Variants in RUNDC3B observed in about 807,000 individuals in gnomAD.
RUNDC3B encodes the protein RUN domain-containing protein 3B.
A neutral mutation model predicts 58.4 loss-of-function variants in RUNDC3B; 33 were observed. That is an observed-to-expected ratio of 0.56 (90% confidence interval 0.43 to 0.75). The LOEUF is 0.75. Among genes scored for constraint, RUNDC3B ranks in the 30% least tolerant of loss-of-function variants. RUNDC3B has a pLI of 0.00. For missense variants in RUNDC3B, 501 were observed against 535.7 expected (o/e 0.94, Z 0.64); for synonymous variants, 193 against 195.2 (o/e 0.99, Z 0.10).
intron 6 of RUNDC3B, among the ~76,000 whole-genome samples, chr7:87,748,683 G>C (rs982419901): frequency 1.3e-5 from 2 of 152,088 alleles, no homozygotes; most frequent in Admixed American, 6.5e-5. Flanking sequence ...GGGATACTTA[G>C]ATGTCAAGAG....
chr7:87,713,504 T>C (rs1289045858), intron 4 of RUNDC3B, among the ~76,000 whole-genome samples: 1 of 152,048 alleles, frequency 6.6e-6, no homozygotes, highest in Non-Finnish European at 1.5e-5. Flanking sequence ...TTTGCTAAGG[T>C]GTAGGACGTC....
chr7:87,678,303 C>A (rs1323298376), intron 2 of RUNDC3B, among the ~76,000 whole-genome samples: 1 of 152,098 alleles, frequency 6.6e-6, no homozygotes. Context: ...GGGAAGGTTT[C>A]CAGGTTTGCA....
chr7:87,813,268 G>T (rs1031742285), intron 9 of RUNDC3B, among the ~76,000 whole-genome samples: 4 of 152,168 alleles, frequency 2.6e-5, no homozygotes, highest in Non-Finnish European at 5.9e-5. Flanking sequence ...TTCAGAAAGT[G>T]ATATTCTAAA....
chr7:87,668,848 G>A lies in RUNDC3B; in HGVS notation c.238+17911G>A, dbSNP rs115359551. ...GCTCTGTGATCCAAGAGTGTGTTTG[G>A]TATGATTTCAGTTCTTTTACATTTG... On this transcript the variant is annotated intron_variant, in intron 2 of 10. Transcript: ENST00000394654. 4.8e-3 allele frequency among the ~76,000 whole-genome samples: 725 copies of A among 152,122 alleles called. 4 individuals are homozygous for A. Among genetic ancestry groups the A allele is most frequent in the African/African-American group, 0.017 (686 of 41,518 alleles).
chr7:87,751,286 T>A (rs1346879786), intron 6 of RUNDC3B, among the ~76,000 whole-genome samples: 1 of 152,132 alleles, frequency 6.6e-6, no homozygotes, highest in Non-Finnish European at 1.5e-5. Flanking sequence ...ACTGTAGCCT[T>A]GTAGTATAGT....
At chr7:87,786,152 T>C (rs1286591639) in intron 8 of RUNDC3B, among the ~76,000 whole-genome samples, 1 of 152,196 alleles carries the variant, frequency 6.6e-6, no homozygotes, top group Admixed American at 6.5e-5. Flanking sequence ...CCTGGCTATA[T>C]CTAATTGGCC....
intron 6 of RUNDC3B, among the ~76,000 whole-genome samples, chr7:87,748,463 C>T (rs1270401763): frequency 1.3e-5 from 2 of 152,216 alleles, no homozygotes; most frequent in African/African-American, 4.8e-5. Flanking sequence ...CCGCAGGCTG[C>T]TCTGTCTAGA....
chr7:87,629,716 G>T (rs1056528713), intron 1 of RUNDC3B, among the ~76,000 whole-genome samples: 1 of 151,660 alleles, frequency 6.6e-6, no homozygotes, highest in Non-Finnish European at 1.5e-5. Flanking sequence ...TCACGAGGTC[G>T]GAGTTCGAGA....
intron 9 of RUNDC3B, 91 bp downstream of exon 9, chr7:87,807,610 G>C (rs1385156920): frequency 1.1e-6 from 1 of 909,332 alleles, no homozygotes; most frequent in African/African-American, 1.7e-5. Context: ...TATTCTTTCT[G>C]AACTTATTAT....
intron 2 of RUNDC3B, among the ~76,000 whole-genome samples, chr7:87,684,811 A>G (rs1827300657): frequency 6.6e-6 from 1 of 151,542 alleles, no homozygotes; most frequent in Non-Finnish European, 1.5e-5. Context: ...AAAGATACAC[A>G]TAAATATGCT....
chr7:87,786,904 T>C (rs1202896642), intron 8 of RUNDC3B, among the ~76,000 whole-genome samples: 1 of 152,186 alleles, frequency 6.6e-6, no homozygotes, highest in Non-Finnish European at 1.5e-5. Context: ...TTGTCTTTAA[T>C]AACCTTAATT....
At chr7:87,701,558 G>C (rs1402430132) in intron 3 of RUNDC3B, among the ~76,000 whole-genome samples, 1 of 152,128 alleles carries the variant, frequency 6.6e-6, no homozygotes, top group African/African-American at 2.4e-5. Context: ...TGGGTAAAAA[G>C]ATCAATTCAA....
At chr7:87,686,617 T>C (rs1297358738) in intron 2 of RUNDC3B, among the ~76,000 whole-genome samples, 2 of 151,996 alleles carry the variant, frequency 1.3e-5, no homozygotes, top group Non-Finnish European at 2.9e-5. Context: ...GTGATTTTTG[T>C]AAAGTTTATA....
chr7:87,755,298 G>A (rs959419046), intron 6 of RUNDC3B, among the ~76,000 whole-genome samples: 1 of 152,068 alleles, frequency 6.6e-6, no homozygotes, highest in Non-Finnish European at 1.5e-5. Flanking sequence ...TGGGATTACA[G>A]GTGTGAGCCA....
At chr7:87,691,509 ACTTT>A (rs1351807778) in intron 2 of RUNDC3B, among the ~76,000 whole-genome samples, 1 of 151,984 alleles carries the variant, frequency 6.6e-6, no homozygotes, top group Non-Finnish European at 1.5e-5. Context: ...ATACTGTTTC[ACTTT>A]CTTTTAACAT....
chr7:87,755,754 A>G (rs547708689), intron 6 of RUNDC3B, among the ~76,000 whole-genome samples: 3 of 152,340 alleles, frequency 2.0e-5, no homozygotes, highest in South Asian at 4.1e-4. Flanking sequence ...ACAAACCTAC[A>G]GCCAACATTA....
At chr7:87,822,086 C>T (rs1335207657) in intron 10 of RUNDC3B, among the ~76,000 whole-genome samples, 2 of 151,686 alleles carry the variant, frequency 1.3e-5, no homozygotes, top group African/African-American at 4.9e-5. Flanking sequence ...AAAGAAACTA[C>T]CATCAGAGTG....
chr7:87,677,655 A>T (rs1826514682), intron 2 of RUNDC3B, among the ~76,000 whole-genome samples: 1 of 152,194 alleles, frequency 6.6e-6, no homozygotes, highest in South Asian at 2.1e-4. Flanking sequence ...CCATACATAC[A>T]CACACAAAAA....
chr7:87,652,710 G>A (rs1215367620), intron 2 of RUNDC3B, among the ~76,000 whole-genome samples: 1 of 149,648 alleles, frequency 6.7e-6, no homozygotes, highest in Non-Finnish European at 1.5e-5. Context: ...AAGCATCTGG[G>A]ACTTTCATAT....
Sources: allele counts gnomAD v4.1 joint callset (sites outside exome capture counted in the v4.1 genomes callset), GRCh38; gene constraint gnomAD v4.1.1; transcripts MANE v1.5; gene names NCBI Gene and HGNC (gene_info 2026-07-23, HGNC 2026-07-21).